Variants in FRAS1 observed in about 807,000 individuals in gnomAD.
The protein encoded by FRAS1 is extracellular matrix organizing protein FRAS1.
A neutral mutation model predicts 435.2 loss-of-function variants in FRAS1; 290 were observed. That is an observed-to-expected ratio of 0.67 (90% confidence interval 0.61 to 0.73). FRAS1 has a LOEUF of 0.73. Ranked by LOEUF, FRAS1 falls within the 30% of genes least tolerant of loss-of-function variation. FRAS1 has a pLI of 0.00. For synonymous variants in FRAS1, 1,800 were observed against 1,851.0 expected (o/e 0.97, Z 0.71); for missense variants, 4,860 against 5,001.5 (o/e 0.97, Z 0.85).
intron 6 of FRAS1, among the ~76,000 whole-genome samples, chr4:78,264,743 C>T (rs552690696): frequency 1.3e-5 from 2 of 152,196 alleles, no homozygotes; most frequent in African/African-American, 2.4e-5. Flanking sequence ...TAGAACAGTG[C>T]CTGGAAGACA....
chr4:78,116,929 T>A (rs1440537092), intron 2 of FRAS1, among the ~76,000 whole-genome samples: 1 of 152,250 alleles, frequency 6.6e-6, no homozygotes, highest in African/African-American at 2.4e-5. Context: ...CTAGCCTTGA[T>A]GATCTTTACA....
intron 2 of FRAS1, among the ~76,000 whole-genome samples, chr4:78,149,973 A>G (rs1002593946): frequency 3.3e-5 from 5 of 152,196 alleles, no homozygotes; most frequent in African/African-American, 1.2e-4. Context: ...TGGAGCGTGG[A>G]CAAGTGAGTG....
intron 27 of FRAS1, among the ~76,000 whole-genome samples, chr4:78,382,005 CCACATCAGTT>C (rs1350520075): frequency 6.6e-6 from 1 of 152,214 alleles, no homozygotes; most frequent in Non-Finnish European, 1.5e-5. Flanking sequence ...GGGCAACCTG[CCACATCAGTT>C]TGTGTTTTGT....
Position 78,220,456 on chromosome 4 carries a change from T to G in FRAS1, c.109-17054T>G, listed in dbSNP as rs1036946397. Among the ~76,000 whole-genome samples the G allele has an allele frequency of 7.2e-5, 11 of 152,202 alleles. 1 individual carries two copies. The East Asian group carries it at 2.1e-3, about 29-fold the overall frequency. ...GTTGACAAAGTTGAGTTTACATAGT[T>G]GAGTAGTTACAAGAGACCAAATGGC... is the stretch of plus-strand genomic sequence containing the variant. On this transcript the variant is annotated intron_variant, in intron 2 of 73. Coordinates refer to ENST00000512123, the MANE Select transcript of FRAS1 (RefSeq NM_025074.7).
intron 10 of FRAS1, among the ~76,000 whole-genome samples, chr4:78,280,940 G>T (rs1727303850): frequency 6.6e-6 from 1 of 152,110 alleles, no homozygotes. Flanking sequence ...AATTTAGGAG[G>T]TTTTAAAGCC....
At chr4:78,284,272 C>A in intron 12 of FRAS1, 133 bp from the exon 13 acceptor site, 12 of 205,964 alleles carry the variant, frequency 5.8e-5, no homozygotes, top group East Asian at 2.2e-4. Flanking sequence ...GAGGCTTTTT[C>A]CTAAGTCCCA....
At chr4:78,093,599 G>T (rs1741641406) in intron 2 of FRAS1, among the ~76,000 whole-genome samples, 1 of 152,128 alleles carries the variant, frequency 6.6e-6, no homozygotes, top group African/African-American at 2.4e-5. Context: ...TACCAGATCT[G>T]ATATATCTGG....
chr4:78,225,255 C>T (rs1425537393), intron 2 of FRAS1, among the ~76,000 whole-genome samples: 1 of 152,138 alleles, frequency 6.6e-6, no homozygotes, highest in Admixed American at 6.5e-5. Context: ...AAAATGGAGG[C>T]TTGGTCAAGA....
chr4:78,469,298 G>A (rs1719632748), intron 50 of FRAS1, among the ~76,000 whole-genome samples: 1 of 152,190 alleles, frequency 6.6e-6, no homozygotes, highest in African/African-American at 2.4e-5. Flanking sequence ...CCCAGGAACA[G>A]GGAGATGCTA....
intron 31 of FRAS1, among the ~76,000 whole-genome samples, chr4:78,410,811 G>A (rs2110357288): frequency 6.6e-6 from 1 of 152,296 alleles, no homozygotes; most frequent in East Asian, 1.9e-4. Flanking sequence ...TTTGAACACT[G>A]ACAGCATCTT....
intron 14 of FRAS1, among the ~76,000 whole-genome samples, chr4:78,301,255 G>A (rs1368599270): frequency 6.6e-6 from 1 of 152,046 alleles, no homozygotes; most frequent in Admixed American, 6.6e-5. Context: ...TTAAGAATTA[G>A]GATGTATTAA....
chr4:78,521,615 C>T lies in FRAS1; in HGVS notation c.10633C>T (p.His3545Tyr). Residue 3545 changes from histidine (H) to tyrosine (Y), a missense_variant, in exon 68 of 74, where the codon CAT (histidine) becomes TAT (tyrosine). By Grantham distance (83) the His-to-Tyr change is moderately conservative. Transcript: ENST00000512123. ...DGRLVIEFKTHAKFRGQFVME... is the reference protein window; with the variant it reads ...DGRLVIEFKTYAKFRGQFVME... ...CCGTCTTGTCATTGAATTCAAGACCCATGCCAAATTCAGAGGTAATATCAA... is the reference window on the plus strand; with the variant it reads ...CCGTCTTGTCATTGAATTCAAGACCTATGCCAAATTCAGAGGTAATATCAA... The T allele has an allele frequency of 6.2e-7, 1 of 1,605,370 alleles. No individual in the cohort carries two copies. Among genetic ancestry groups the T allele is most frequent in the Non-Finnish European group, 8.5e-7 (1 of 1,175,516 alleles).
At position 78,471,983 on chromosome 4, in the gene FRAS1, C is replaced by T. The variant is rs192653570; in HGVS notation, c.7372-197C>T. Among the ~76,000 whole-genome samples the T allele has an allele frequency of 3.9e-5, 6 of 152,184 alleles. No homozygotes were observed. In the East Asian group the frequency reaches 1.2e-3, roughly 29 times the overall value. ...GACCTTGTGCATGAGCCTTTCTTTCCCTATTAAGTGTGAATACCTCAAGGG... is the reference window on the plus strand; with the variant it reads ...GACCTTGTGCATGAGCCTTTCTTTCTCTATTAAGTGTGAATACCTCAAGGG... On this transcript the variant is annotated intron_variant, in intron 51 of 73. Coordinates refer to ENST00000512123, the MANE Select transcript of FRAS1 (RefSeq NM_025074.7).
intron 45 of FRAS1, among the ~76,000 whole-genome samples, chr4:78,451,471 C>A (rs7678622): frequency 0.026 from 3,936 of 152,178 alleles, 171 homozygotes; most frequent in African/African-American, 0.09. Flanking sequence ...TTGTGGATCT[C>A]GTTTTCATGA....
At chr4:78,471,972 G>C (rs1719722954) in intron 51 of FRAS1, among the ~76,000 whole-genome samples, 1 of 152,106 alleles carries the variant, frequency 6.6e-6, no homozygotes, top group African/African-American at 2.4e-5. Flanking sequence ...TTGTGCATGA[G>C]CCTTTCTTTC....
chr4:78,092,242 T>A lies in FRAS1; in HGVS notation c.108+26226T>A, dbSNP rs573021258. Reference sequence around the variant, plus strand: ...TTATTTAAGCTACGCACAACTCAGGTCTCTGTCCTGTAGGCTGGATTGTGG... The same window carrying A: ...TTATTTAAGCTACGCACAACTCAGGACTCTGTCCTGTAGGCTGGATTGTGG... On this transcript the variant is annotated intron_variant, in intron 2 of 73. Transcript: ENST00000512123. Among the ~76,000 whole-genome samples the A allele has an allele frequency of 1.4e-4, 21 of 152,280 alleles. No homozygotes were observed. The South Asian group carries it at 4.3e-3, about 32-fold the overall frequency.
chr4:78,083,111 A>G (rs1045554222), intron 2 of FRAS1, among the ~76,000 whole-genome samples: 3 of 152,100 alleles, frequency 2.0e-5, no homozygotes, highest in Non-Finnish European at 4.4e-5. Context: ...AATTAACTTT[A>G]GATTACTTTA....
intron 47 of FRAS1, 35 bp from the exon 48 acceptor site, chr4:78,463,986 A>G: frequency 6.2e-7 from 1 of 1,610,602 alleles, no homozygotes; most frequent in South Asian, 1.1e-5. Context: ...GCATTTTAAT[A>G]TCCTGTCTCT....
chr4:78,245,317 A>G lies in FRAS1; in HGVS notation c.301A>G (p.Ile101Val), dbSNP rs200474580. 11 of 1,599,496 alleles carry G rather than the reference A, an allele frequency of 6.9e-6. No homozygotes were observed. Among genetic ancestry groups the G allele is most frequent in the African/African-American group, 1.3e-5 (1 of 74,672 alleles). Residue 101 changes from isoleucine to valine, a missense_variant, in exon 4 of 74, where the codon ATC (isoleucine) becomes GTC (valine). Physicochemically the swap from Ile to Val is conservative, Grantham distance 29 (BLOSUM62 3). Coordinates refer to ENST00000512123, the MANE Select transcript of FRAS1 (RefSeq NM_025074.7). ...AGGATCTTGCCATCATGAAAAGAAAATCCATGAGGTAAGTGTTTTCTGACT... is the reference window on the plus strand; with the variant it reads ...AGGATCTTGCCATCATGAAAAGAAAGTCCATGAGGTAAGTGTTTTCTGACT... ...TPGSCHHEKK[I>V]HEHGTEWASS...
Sources: gnomAD v4.1 joint callset for allele counts (sites outside exome capture counted in the v4.1 genomes callset) on GRCh38, gnomAD v4.1.1 for gene constraint, MANE v1.5 for transcripts, NCBI Gene and HGNC (gene_info 2026-07-23, HGNC 2026-07-21) for gene names.